Variants in SERGEF observed in about 807,000 individuals in gnomAD.
SERGEF encodes the protein secretion regulating guanine nucleotide exchange factor.
A neutral mutation model predicts 50.0 loss-of-function variants in SERGEF; 51 were observed. The observed-to-expected ratio is 1.02, with a 90% confidence interval of 0.81 to 1.29. The LOEUF (loss-of-function observed/expected upper bound fraction) is 1.29. Ranked by LOEUF, SERGEF falls within the 50% of genes most tolerant of loss-of-function variation. The pLI, the probability that SERGEF is intolerant of heterozygous loss-of-function variation, is 0.00. For missense variants in SERGEF, 521 were observed against 557.0 expected, an observed-to-expected ratio of 0.94 and a Z score of 0.65; for synonymous variants, 205 against 212.4, an observed-to-expected ratio of 0.97 and a Z score of 0.30.
At chr11:17,842,707 A>C (rs192676988) in intron 10 of SERGEF, among the ~76,000 whole-genome samples, 315 of 152,344 alleles carry the variant, frequency 2.1e-3, no homozygotes, top group African/African-American at 5.3e-3. Context: ...ACTGAAGCAC[A>C]GTAGGCACTC....
At position 17,991,663 on chromosome 11, in the gene SERGEF, G is replaced by C. The variant is rs529643723; in HGVS notation, c.685+1268C>G. 1.3e-5 allele frequency among the ~76,000 whole-genome samples: 2 copies of C among 152,290 alleles called. No individual in the cohort carries two copies. Among genetic ancestry groups the C allele is most frequent in the East Asian group, 3.9e-4 (2 of 5,188 alleles). On this transcript the variant is annotated intron_variant, in intron 7 of 10. Transcript: ENST00000265965. This position sits in a 1 kb window ranked among gnomAD's most constrained non-coding sequence, Gnocchi z 4.9. ...TGTGAGACACAAGTTAAAAGTAGGT[G>C]CTTTTTTATTAGATGTTTGTTTTAA...
intron 8 of SERGEF, among the ~76,000 whole-genome samples, chr11:17,974,719 C>T (rs1306486495): frequency 6.6e-6 from 1 of 152,102 alleles, no homozygotes; most frequent in African/African-American, 2.4e-5. Flanking sequence ...TCTGTTTCCT[C>T]AAATTTCAAA....
intron 10 of SERGEF, among the ~76,000 whole-genome samples, chr11:17,839,762 C>T (rs1385047167): frequency 6.6e-6 from 1 of 152,190 alleles, no homozygotes; most frequent in Non-Finnish European, 1.5e-5. Flanking sequence ...CACCTCACAT[C>T]CTGAGGTGTT....
chr11:17,936,582 C>A (rs528610769), intron 9 of SERGEF, among the ~76,000 whole-genome samples: 8 of 152,158 alleles, frequency 5.3e-5, no homozygotes, highest in African/African-American at 1.9e-4. Flanking sequence ...AGAAGGCTGG[C>A]CCTTCAGTCA....
In SERGEF at chr11:17,788,234, G is replaced by C; in HGVS notation, c.1228C>G (p.Gln410Glu). The C allele has an allele frequency of 1.2e-6, 2 of 1,614,002 alleles. No homozygotes were observed. The highest frequency in any genetic ancestry group is 2.2e-5 in the South Asian group (2 of 91,078). ...GAAAGGTAGGTGACCTTGGGGTCCT[G>C]GACCAATGCAGGGTGAGCTGGCAGC... ...CQLPAHPALV[Q>E]DPKVTYLSPD... The change falls in exon 11 of 11, where the codon CAG (glutamine) becomes GAG (glutamate). Residue 410 changes from glutamine to glutamate, a missense_variant. Physicochemically the swap from Gln to Glu is conservative, Grantham distance 29. Coordinates refer to ENST00000265965, the MANE Select transcript of SERGEF (RefSeq NM_012139.4).
At chr11:17,883,639 C>T (rs1053611190) in intron 9 of SERGEF, among the ~76,000 whole-genome samples, 3 of 152,302 alleles carry the variant, frequency 2.0e-5, no homozygotes, top group East Asian at 1.9e-4. Flanking sequence ...TTCCTCAAAA[C>T]GGTATGTACC....
chr11:17,967,390 T>C (rs915789100), intron 8 of SERGEF, among the ~76,000 whole-genome samples: 1 of 152,188 alleles, frequency 6.6e-6, no homozygotes, highest in Non-Finnish European at 1.5e-5. Context: ...GACACACACG[T>C]GGGCTGGAGG....
At chr11:17,939,058 T>C (rs979625024) in intron 9 of SERGEF, among the ~76,000 whole-genome samples, 5 of 152,216 alleles carry the variant, frequency 3.3e-5, no homozygotes, top group African/African-American at 1.2e-4. Context: ...CTATTTAAGA[T>C]GGTGACTCTA....
chr11:17,801,165 G>A (rs975589821), intron 10 of SERGEF, among the ~76,000 whole-genome samples: 7 of 148,728 alleles, frequency 4.7e-5, no homozygotes, highest in South Asian at 2.1e-4. Context: ...ACTGCACTCC[G>A]GCCTGGGCGA....
chr11:17,893,521 T>A (rs1851571065), intron 9 of SERGEF, among the ~76,000 whole-genome samples: 1 of 152,330 alleles, frequency 6.6e-6, no homozygotes, highest in South Asian at 2.1e-4. Flanking sequence ...AAAACATCTT[T>A]ATATGGAATC....
intron 10 of SERGEF, among the ~76,000 whole-genome samples, chr11:17,833,721 A>T (rs1473059947): frequency 6.6e-6 from 1 of 152,222 alleles, no homozygotes; most frequent in African/African-American, 2.4e-5. Flanking sequence ...TGTGAGACAC[A>T]GTGTCAAAGG....
At chr11:17,832,710 G>A (rs1850331915) in intron 10 of SERGEF, among the ~76,000 whole-genome samples, 1 of 152,226 alleles carries the variant, frequency 6.6e-6, no homozygotes, top group South Asian at 2.1e-4. Context: ...AATCCAGGCT[G>A]AGGTGGTCTC....
At chr11:17,826,915 G>A (rs1417067729) in intron 10 of SERGEF, among the ~76,000 whole-genome samples, 3 of 72,098 alleles carry the variant, frequency 4.2e-5, no homozygotes, top group African/African-American at 1.6e-4. Context: ...TCTCCAGCAG[G>A]GCCCTGCAAG....
intron 9 of SERGEF, among the ~76,000 whole-genome samples, chr11:17,912,649 G>A (rs1268751984): frequency 1.3e-5 from 2 of 152,206 alleles, no homozygotes; most frequent in Non-Finnish European, 1.5e-5. Flanking sequence ...TTAAATAGAT[G>A]CTATATTCCC....
intron 9 of SERGEF, among the ~76,000 whole-genome samples, chr11:17,906,836 A>AAC (rs1303577339): frequency 6.6e-6 from 1 of 151,748 alleles, no homozygotes; most frequent in Non-Finnish European, 1.5e-5. Context: ...GAAAAAAAAA[A>AAC]AAAAAACCTC....
intron 9 of SERGEF, among the ~76,000 whole-genome samples, chr11:17,886,883 AC>A (rs1367904700): frequency 1.3e-5 from 2 of 152,120 alleles, no homozygotes; most frequent in African/African-American, 4.8e-5. Flanking sequence ...CTGGGGCCAA[AC>A]CTAATTGGAC....
chr11:17,859,430 G>A (rs1187254918), intron 10 of SERGEF, among the ~76,000 whole-genome samples: 1 of 151,918 alleles, frequency 6.6e-6, no homozygotes, highest in Non-Finnish European at 1.5e-5. Context: ...CAAGAGGAAA[G>A]AAAAGATAAG....
chr11:17,944,120 G>T (rs1293611134), intron 9 of SERGEF, among the ~76,000 whole-genome samples: 2 of 152,034 alleles, frequency 1.3e-5, no homozygotes, highest in African/African-American at 4.8e-5. Flanking sequence ...GTAGAGACGG[G>T]GTTTCGTCGT....
At chr11:17,918,901 G>T (rs1482249870) in intron 9 of SERGEF, 2 of 336,754 alleles carry the variant, frequency 5.9e-6, no homozygotes, top group Admixed American at 8.5e-5. Flanking sequence ...ATCCCCTTAG[G>T]TGAAGCAAAA....
Sources: gnomAD v4.1 joint callset for allele counts (sites outside exome capture counted in the v4.1 genomes callset) on GRCh38, gnomAD v4.1.1 for gene constraint, Gnocchi (gnomAD v3.1) non-coding constraint, MANE v1.5 for transcripts, NCBI Gene and HGNC (gene_info 2026-07-23, HGNC 2026-07-21) for gene names.